The following PARD3 variants were observed in gnomAD, a reference collection of about 807,000 sequenced individuals.
PARD3 encodes partitioning defective 3 homolog.
A neutral mutation model predicts 155.4 loss-of-function variants in PARD3; 75 were observed. The ratio of observed to expected loss-of-function variants is 0.48; its 90% confidence interval spans 0.40 to 0.58. PARD3 has a LOEUF of 0.58. Among genes scored for constraint, PARD3 ranks in the 20% least tolerant of loss-of-function variants. The probability of loss-of-function intolerance (pLI) is 0.00; values close to 1 mark genes in which losing one functional copy is unlikely to be tolerated. For synonymous variants in PARD3, 576 were observed against 610.5 expected (o/e 0.94, Z 0.83); for missense variants, 1,642 against 1,721.7 (o/e 0.95, Z 0.82).
chr10:34,498,592 C>T (rs906729107), intron 3 of PARD3, among the ~76,000 whole-genome samples: 4 of 152,092 alleles, frequency 2.6e-5, no homozygotes, highest in Admixed American at 1.3e-4. Context: ...GCCTGGCCAA[C>T]ACGGCAAAAC....
At chr10:34,530,398 T>C (rs974292181) in intron 2 of PARD3, among the ~76,000 whole-genome samples, 1 of 152,188 alleles carries the variant, frequency 6.6e-6, no homozygotes, top group African/African-American at 2.4e-5. Flanking sequence ...GGTGTAATTT[T>C]GGTTTTCTGG....
intron 22 of PARD3, among the ~76,000 whole-genome samples, chr10:34,146,945 AT>A (rs1948538801): frequency 6.6e-6 from 1 of 152,228 alleles, no homozygotes; most frequent in Non-Finnish European, 1.5e-5. Flanking sequence ...GTTTCTGAAA[AT>A]CACAGTCTTA....
intron 22 of PARD3, among the ~76,000 whole-genome samples, chr10:34,241,967 C>A (rs1460668188): frequency 1.3e-5 from 2 of 151,856 alleles, no homozygotes; most frequent in Non-Finnish European, 1.5e-5. Flanking sequence ...AAAAAAAAAT[C>A]TCTTCTCATT....
chr10:34,384,270 T>G lies in PARD3; in HGVS notation c.891-16A>C, dbSNP rs766356484. ...CCCCAGGGTTCTGGAACATTAAGAA[T>G]GCAAATGATTACACATGTAATATCT... On this transcript the variant is annotated splice_polypyrimidine_tract_variant and intron_variant, in intron 7 of 24. Transcript: ENST00000374788. 2 of 1,609,958 alleles carry G rather than the reference T, an allele frequency of 1.2e-6. No individual in the cohort carries two copies. Among genetic ancestry groups the G allele is most frequent in the Non-Finnish European group, 1.7e-6 (2 of 1,177,568 alleles).
intron 1 of PARD3, among the ~76,000 whole-genome samples, chr10:34,747,498 C>A (rs1835462285): frequency 6.6e-6 from 1 of 152,170 alleles, no homozygotes; most frequent in South Asian, 2.1e-4. Context: ...AATGCAAAGC[C>A]AAATCCTCAT....
chr10:34,439,917 G>GA (rs995508243), intron 5 of PARD3, among the ~76,000 whole-genome samples: 13 of 150,774 alleles, frequency 8.6e-5, no homozygotes, highest in Admixed American at 3.3e-4. Flanking sequence ...TAGAGCACAG[G>GA]AAAAAAAAAT....
chr10:34,461,255 C>T (rs2077631275), intron 4 of PARD3, among the ~76,000 whole-genome samples: 1 of 152,186 alleles, frequency 6.6e-6, no homozygotes, highest in African/African-American at 2.4e-5. Flanking sequence ...AACTTCACAA[C>T]TCAAAACAGG....
chr10:34,233,284 G>T (rs908590830), intron 22 of PARD3, among the ~76,000 whole-genome samples: 3 of 151,794 alleles, frequency 2.0e-5, no homozygotes, highest in African/African-American at 7.3e-5. Flanking sequence ...GTTTCTATAG[G>T]ACTGCATTCT....
chr10:34,164,689 A>G (rs930318293), intron 22 of PARD3, among the ~76,000 whole-genome samples: 3 of 152,220 alleles, frequency 2.0e-5, no homozygotes, highest in African/African-American at 7.2e-5. Flanking sequence ...GCAGAAGACG[A>G]CATGCAGTTT....
chr10:34,603,455 T>C (rs1281598509), intron 2 of PARD3, among the ~76,000 whole-genome samples: 1 of 152,226 alleles, frequency 6.6e-6, no homozygotes, highest in African/African-American at 2.4e-5. Flanking sequence ...GCCTAATTTG[T>C]TCCAAAATAA....
intron 3 of PARD3, among the ~76,000 whole-genome samples, chr10:34,471,496 C>G (rs2078341517): frequency 6.6e-6 from 1 of 152,180 alleles, no homozygotes; most frequent in Non-Finnish European, 1.5e-5. Flanking sequence ...TTAGAATACT[C>G]TGTTTTTAAA....
chr10:34,674,169 G>A (rs973443158), intron 2 of PARD3, among the ~76,000 whole-genome samples: 2 of 152,134 alleles, frequency 1.3e-5, no homozygotes, highest in African/African-American at 4.8e-5. Context: ...ACAAGAAGTA[G>A]CACTGTCTAT....
chr10:34,448,798 T>C (rs34337481), intron 5 of PARD3, among the ~76,000 whole-genome samples: 67,784 of 151,716 alleles, frequency 0.45, 17,615 homozygotes, highest in African/African-American at 0.72. Context: ...GAGCAAGACC[T>C]TATCTCAAAA....
chr10:34,303,069 T>TTA (rs1491272312), intron 20 of PARD3, among the ~76,000 whole-genome samples: 1 of 33,076 alleles, frequency 3.0e-5, no homozygotes, highest in African/African-American at 7.2e-5. Context: ...AACCAAGTTT[T>TTA]AAAAAAAAAA....
At chr10:34,340,960 C>T (rs1002016455) in intron 16 of PARD3, among the ~76,000 whole-genome samples, 6 of 152,024 alleles carry the variant, frequency 3.9e-5, no homozygotes, top group Non-Finnish European at 8.8e-5. Flanking sequence ...CTTGTGAGGT[C>T]GTCCCCAAGA....
chr10:34,231,563 C>T (rs1222471866), intron 22 of PARD3, among the ~76,000 whole-genome samples: 1 of 152,062 alleles, frequency 6.6e-6, no homozygotes, highest in Non-Finnish European at 1.5e-5. Context: ...AATGTCTTCT[C>T]TTGAATGTCT....
chr10:34,432,041 C>CAAGAAAAAA (rs2075953078), intron 5 of PARD3, among the ~76,000 whole-genome samples: 1 of 21,596 alleles, frequency 4.6e-5, no homozygotes, highest in African/African-American at 1.2e-4. Flanking sequence ...GACTCTGTCT[C>CAAGAAAAAA]AAAAAAAAAA....
intron 22 of PARD3, among the ~76,000 whole-genome samples, chr10:34,165,536 C>T (rs1186791160): frequency 6.6e-6 from 1 of 152,200 alleles, no homozygotes; most frequent in Non-Finnish European, 1.5e-5. Context: ...CCGCTTTGTT[C>T]TTGCACAAGG....
rs568747914 is a variant in PARD3 at position 34,201,019 on chromosome 10, C to G, written c.3419+68638G>C. Among the ~76,000 whole-genome samples the G allele has an allele frequency of 8.5e-5, 13 of 152,312 alleles. No individual in the cohort carries two copies. In the East Asian group the frequency reaches 2.5e-3, roughly 29 times the overall value. ...GTGCCTGTGTATACATGCAGACACACGCACCTGCCAAATTATCTTTATAAA... is the reference window on the plus strand; with the variant it reads ...GTGCCTGTGTATACATGCAGACACAGGCACCTGCCAAATTATCTTTATAAA... On this transcript the variant is annotated intron_variant, in intron 22 of 24. Coordinates refer to ENST00000374788, the MANE Select transcript of PARD3 (RefSeq NM_001184785.2).
Sources: allele counts gnomAD v4.1 joint callset (sites outside exome capture counted in the v4.1 genomes callset), GRCh38; gene constraint gnomAD v4.1.1; transcripts MANE v1.5; gene names NCBI Gene and HGNC (gene_info 2026-07-23, HGNC 2026-07-21).